Variants in C4orf33 observed in about 807,000 individuals in gnomAD.
C4orf33 encodes the protein UPF0462 protein C4orf33.
A neutral mutation model predicts 24.3 loss-of-function variants in C4orf33; 20 were observed. The ratio of observed to expected loss-of-function variants is 0.82; its 90% CI spans 0.58 to 1.19. The LOEUF (loss-of-function observed/expected upper bound fraction) is 1.19. Ranked by LOEUF, C4orf33 falls within the 50% of genes most tolerant of loss-of-function variation. The pLI, the probability that C4orf33 is intolerant of heterozygous loss-of-function variation, is 0.00. For missense variants in C4orf33, 207 were observed against 225.9 expected, an observed-to-expected ratio of 0.92 and a Z score of 0.54; for synonymous variants, 67 against 76.4, an observed-to-expected ratio of 0.88 and a Z score of 0.64.
chr4:129,115,266 T>C lies in C4orf33; in HGVS notation c.*3475T>C, dbSNP rs963104246. 1 of 152,178 alleles carries C rather than the reference T, an allele frequency of 6.6e-6. No individual in the cohort carries two copies. Among genetic ancestry groups the C allele is most frequent in the Non-Finnish European group, 1.5e-5 (1 of 68,022 alleles). The allele number at this position is 152,178 out of a possible 1,614,324, so 9.4% of individuals were successfully genotyped here. A position where few individuals can be genotyped will look rare whatever the true frequency, so the allele number is the denominator to read the frequency against. On this transcript the variant is annotated 3_prime_UTR_variant, in exon 6 of 6. Coordinates refer to ENST00000425929, the MANE Select transcript of C4orf33 (RefSeq NM_001099783.2). ...TGCAAGGAGTGGACTGTATTTAATATCTCTTGTGTCCTACCTCACATCCTC... is the reference window on the plus strand; with the variant it reads ...TGCAAGGAGTGGACTGTATTTAATACCTCTTGTGTCCTACCTCACATCCTC...
At chr4:129,094,052 G>A (rs2125795110), upstream of C4orf33, 1 of 152,188 alleles carries the variant, frequency 6.6e-6, no homozygotes, top group South Asian at 2.1e-4. Context: ...CGGTCTTTGT[G>A]GGTCTTTAGA....
At chr4:129,110,945 C>G (rs1206644573) in intron 5 of C4orf33, among the ~76,000 whole-genome samples, 2 of 152,096 alleles carry the variant, frequency 1.3e-5, no homozygotes, top group Non-Finnish European at 2.9e-5. Context: ...CATGTAGTTG[C>G]AACTGACTCA....
intron 1 of C4orf33, among the ~76,000 whole-genome samples, chr4:129,099,453 C>T (rs563353488): frequency 1.8e-4 from 27 of 152,260 alleles, no homozygotes; most frequent in African/African-American, 6.0e-4. Context: ...GATGATACCA[C>T]GAACACAGTA....
Position 129,105,853 on chromosome 4 carries a change from A to G in C4orf33, c.182-734A>G, listed in dbSNP as rs114211668. Among the ~76,000 whole-genome samples the G allele has an allele frequency of 4.8e-3, 725 of 152,264 alleles. 3 individuals are homozygous for G. The highest frequency in any genetic ancestry group is 0.014 in the African/African-American group (566 of 41,562). On this transcript the variant is annotated intron_variant, in intron 2 of 5. Coordinates refer to ENST00000425929, the MANE Select transcript of C4orf33 (RefSeq NM_001099783.2). ...TATTCAGAAATTTCCAGAAAATTATAAAAAAGAAAAGAAAGATCACCTACC... is the reference window on the plus strand; with the variant it reads ...TATTCAGAAATTTCCAGAAAATTATGAAAAAGAAAAGAAAGATCACCTACC...
rs1753623176 is a variant in C4orf33, at chr4:129,109,525, G to A, written c.347G>A (p.Gly116Asp). 9 of 1,613,912 alleles carry A rather than the reference G, an allele frequency of 5.6e-6. No individual in the cohort carries two copies. The African/African-American group carries it at 8.0e-5, about 14-fold the overall frequency. ...RMSRGETKWE[G>D]KAYLPWSYFP... ...TCCAGAGGAGAGACAAAATGGGAAGGCAAAGCTTATCTCCCTTGGAGTTAT... is the reference window on the plus strand; with the variant it reads ...TCCAGAGGAGAGACAAAATGGGAAGACAAAGCTTATCTCCCTTGGAGTTAT... Residue 116 changes from glycine to aspartate, a missense_variant, in exon 5 of 6, where the codon GGC becomes GAC. Coordinates refer to ENST00000425929, the MANE Select transcript of C4orf33 (RefSeq NM_001099783.2).
chr4:129,114,136 T>C lies in C4orf33; in HGVS notation c.*2345T>C, dbSNP rs1753739431. ...CCAGTTGCCTCAGCTGTACTGTGTA[T>C]GTCTTACTTCCTGCCCCTAGGGCTT... On this transcript the variant is annotated 3_prime_UTR_variant, in exon 6 of 6. Transcript: ENST00000425929. 1 of 152,266 alleles carries C rather than the reference T, an allele frequency of 6.6e-6. No homozygotes were observed. The highest frequency in any genetic ancestry group is 1.5e-5 in the Non-Finnish European group (1 of 68,076). 9.4% of individuals were successfully genotyped at this position (152,266 alleles called of 1,614,324 possible).
chr4:129,108,355 A>G (rs1753578498), intron 3 of C4orf33, among the ~76,000 whole-genome samples: 1 of 152,148 alleles, frequency 6.6e-6, no homozygotes, highest in Non-Finnish European at 1.5e-5. Flanking sequence ...GGCTAGTCCC[A>G]ATTGTACACT....
chr4:129,103,370 A>C (rs1753421863), intron 2 of C4orf33, among the ~76,000 whole-genome samples: 1 of 151,986 alleles, frequency 6.6e-6, no homozygotes, highest in Non-Finnish European at 1.5e-5. Flanking sequence ...TATTTCTGTT[A>C]CCTATGCTGA....
At chr4:129,102,383 G>A (rs1753381768) in intron 1 of C4orf33, among the ~76,000 whole-genome samples, 1 of 152,168 alleles carries the variant, frequency 6.6e-6, no homozygotes, top group Admixed American at 6.5e-5. Flanking sequence ...AAATCTAGAA[G>A]TTTTAAAACC....
At chr4:129,101,350 A>T (rs1753345679) in intron 1 of C4orf33, among the ~76,000 whole-genome samples, 1 of 152,176 alleles carries the variant, frequency 6.6e-6, no homozygotes, top group Non-Finnish European at 1.5e-5. Context: ...ATAGTAAAAG[A>T]CTGTAAATAA....
chr4:129,102,781 G>A lies in C4orf33; in HGVS notation c.171G>A (p.Trp57Ter). The A allele has an allele frequency of 6.2e-7, 1 of 1,611,248 alleles. No individual in the cohort carries two copies. The change falls in exon 2 of 6, where the codon TGG (tryptophan) becomes TGA (stop). Residue 57 changes from tryptophan (W) to a stop codon, truncating the protein, a stop_gained. Transcript: ENST00000425929. LOFTEE classifies it high-confidence loss of function. ...CAGGAAAACCTTTCAATGAACTGTG[G>A]GATTATGAAGGTAAGTGGAAGTACT... ...GEPGKPFNEL[W>*]DYEVVEAFFL...
chr4:129,113,957 C>G lies in C4orf33; in HGVS notation c.*2166C>G, dbSNP rs1197117567. 6.6e-6 allele frequency: 1 copy of G among 152,120 alleles called. No individual in the cohort carries two copies. Among genetic ancestry groups the G allele is most frequent in the African/African-American group, 2.4e-5 (1 of 41,418 alleles). The allele number at this position is 152,120 out of a possible 1,614,324, so 9.4% of individuals were successfully genotyped here. The stretch of plus-strand genomic sequence containing the variant: ...TCATGCCTCAAAGCTTAAGGATTGT[C>G]TCTTCTTTTCCATGTAAATTTCCAT... On this transcript the variant is annotated 3_prime_UTR_variant, in exon 6 of 6. Coordinates refer to ENST00000425929, the MANE Select transcript of C4orf33 (RefSeq NM_001099783.2).
chr4:129,093,762 G>C (rs1027213685), upstream of C4orf33: 1 of 153,240 alleles, frequency 6.5e-6, no homozygotes, highest in South Asian at 2.0e-4. Context: ...TGGTGGGACA[G>C]TGTCTCCAGG....
rs1753735202 is a variant in C4orf33, at chr4:129,113,796, CCTT to C, written c.*2008_*2010del. On this transcript the variant is annotated 3_prime_UTR_variant, in exon 6 of 6. Coordinates refer to ENST00000425929, the MANE Select transcript of C4orf33 (RefSeq NM_001099783.2). The stretch of plus-strand genomic sequence containing the variant: ...GGAAAAAAAACATTTAATTTCCCCT[CCTT>C]CTCCTCCTTTTGCTCCTTTTTTAAA... 6.6e-6 allele frequency: 1 copy of C among 152,018 alleles called. No homozygotes were observed. Among genetic ancestry groups the C allele is most frequent in the African/African-American group, 2.4e-5 (1 of 41,420 alleles). The allele number at this position is 152,018 out of a possible 1,614,324, so 9.4% of individuals were successfully genotyped here.
chr4:129,096,721 C>G (rs963918704), intron 1 of C4orf33, among the ~76,000 whole-genome samples: 1 of 152,090 alleles, frequency 6.6e-6, no homozygotes, highest in Admixed American at 6.5e-5. Flanking sequence ...AAAGTAGAAA[C>G]ATACAGAGTA....
Position 129,113,045 on chromosome 4 carries a change from C to G in C4orf33, c.*1254C>G, listed in dbSNP as rs28498935. 5.1e-5 allele frequency: 2 copies of G among 39,566 alleles called. No individual in the cohort carries two copies. Among genetic ancestry groups the G allele is most frequent in the South Asian group, 1.7e-3 (1 of 590 alleles). The allele number at this position is 39,566 out of a possible 1,614,324, so 2.5% of individuals were successfully genotyped here. A position where few individuals can be genotyped will look rare whatever the true frequency, so the allele number is the denominator to read the frequency against. Reference sequence around the variant, plus strand: ...GCATATAAAACTATCAAAATAAAAACAAGATATATTTTAGAGCATCTTGAT... The same window carrying G: ...GCATATAAAACTATCAAAATAAAAAGAAGATATATTTTAGAGCATCTTGAT... On this transcript the variant is annotated 3_prime_UTR_variant, in exon 6 of 6. Transcript: ENST00000425929.
At chr4:129,097,908 A>G (rs945711359) in intron 1 of C4orf33, among the ~76,000 whole-genome samples, 2 of 152,184 alleles carry the variant, frequency 1.3e-5, no homozygotes, top group Non-Finnish European at 2.9e-5. Flanking sequence ...CATTTCTGTC[A>G]TTATAAGTGA....
intron 1 of C4orf33, among the ~76,000 whole-genome samples, chr4:129,098,114 G>A (rs1193811578): frequency 6.6e-6 from 1 of 152,054 alleles, no homozygotes; most frequent in African/African-American, 2.4e-5. Flanking sequence ...TTGGAGTAAA[G>A]GGAACTTGGG....
intron 1 of C4orf33, among the ~76,000 whole-genome samples, chr4:129,100,112 A>C (rs575288277): frequency 1.3e-5 from 2 of 152,300 alleles, no homozygotes; most frequent in African/African-American, 4.8e-5. Context: ...GAAAAGCAGA[A>C]GGAACCAGTA....
Sources: allele counts gnomAD v4.1 joint callset (sites outside exome capture counted in the v4.1 genomes callset), GRCh38; gene constraint gnomAD v4.1.1; transcripts MANE v1.5; gene names NCBI Gene and HGNC (gene_info 2026-07-23, HGNC 2026-07-21).